CTNND2: variants seen among roughly 807,000 people sequenced by gnomAD.
The protein encoded by CTNND2 is catenin delta-2.
CTNND2 carries 22 observed loss-of-function variants against 144.4 expected under a neutral mutation model. The observed-to-expected ratio is 0.15, with a 90% CI of 0.11 to 0.22. The LOEUF is 0.22. CTNND2 is among the 10% of genes least tolerant of loss of function. CTNND2 has a pLI of 1.00. For missense variants in CTNND2, 1,353 were observed against 1,618.8 expected, an observed-to-expected ratio of 0.84 and a Z score of 2.82; for synonymous variants, 751 against 695.6, an observed-to-expected ratio of 1.08 and a Z score of -1.25.
chr5:11,219,872 G>A (rs1054409463), intron 10 of CTNND2, among the ~76,000 whole-genome samples: 2 of 152,260 alleles, frequency 1.3e-5, no homozygotes, highest in East Asian at 3.9e-4. Context: ...TCTTTCTTCT[G>A]TGGTCCAATT....
intron 1 of CTNND2, among the ~76,000 whole-genome samples, chr5:11,822,275 C>T (rs1246797845): frequency 6.6e-6 from 1 of 152,174 alleles, no homozygotes; most frequent in Non-Finnish European, 1.5e-5. Flanking sequence ...TGTATCTCTA[C>T]TGCTATGTTT....
intron 2 of CTNND2, among the ~76,000 whole-genome samples, chr5:11,587,035 T>A (rs1004771383): frequency 6.6e-6 from 1 of 152,168 alleles, no homozygotes. Context: ...TTAACTTAAT[T>A]GCGTTTTTAA....
chr5:11,608,834 AATC>A (rs1780183569), intron 2 of CTNND2, among the ~76,000 whole-genome samples: 1 of 152,192 alleles, frequency 6.6e-6, no homozygotes, highest in African/African-American at 2.4e-5. Flanking sequence ...CTTCCCATGA[AATC>A]ATCATCAGCA....
At chr5:11,717,823 T>C (rs1786439640) in intron 2 of CTNND2, among the ~76,000 whole-genome samples, 1 of 152,148 alleles carries the variant, frequency 6.6e-6, no homozygotes, top group Non-Finnish European at 1.5e-5. Flanking sequence ...ACTGCCCCCA[T>C]GATTCAGTTA....
At chr5:11,784,374 A>G (rs536274369) in intron 1 of CTNND2, among the ~76,000 whole-genome samples, 3 of 152,232 alleles carry the variant, frequency 2.0e-5, no homozygotes. Flanking sequence ...GACTCAAAGA[A>G]TATCAGTGGT....
rs761857576 is a variant in CTNND2 at position 11,364,772 on chromosome 5, G to A, written c.1296C>T (p.Pro432=). The change falls in exon 8 of 22, where the codon CCC becomes CCT. Residue 432 remains proline (P), a synonymous_variant. Coordinates refer to ENST00000304623, the MANE Select transcript of CTNND2 (RefSeq NM_001332.4). ...GGCTCTGGCTGAGACTCCTCATAGGGGGCTTCTGATAGACGCGGTCTTCAT... is the reference window on the plus strand; with the variant it reads ...GGCTCTGGCTGAGACTCCTCATAGGAGGCTTCTGATAGACGCGGTCTTCAT... ...PIYEDRVYQK[P]PMRSLSQSQG... 30 of 1,613,790 alleles carry A rather than the reference G, an allele frequency of 1.9e-5. No homozygotes were observed. Among genetic ancestry groups the A allele is most frequent in the African/African-American group, 2.7e-5 (2 of 74,900 alleles).
At chr5:11,835,563 T>G (rs916511452) in intron 1 of CTNND2, among the ~76,000 whole-genome samples, 1 of 152,184 alleles carries the variant, frequency 6.6e-6, no homozygotes, top group South Asian at 2.1e-4. Flanking sequence ...CTTGAGGATT[T>G]TTTCCATCTC....
intron 11 of CTNND2, 61 bp from the exon 12 acceptor site, chr5:11,159,820 T>C: frequency 7.3e-7 from 1 of 1,361,930 alleles, no homozygotes; most frequent in Middle Eastern, 1.9e-4. Flanking sequence ...TCTCCAAAAC[T>C]GTCTTCCTTA....
At chr5:11,046,518 C>T (rs891845604) in intron 16 of CTNND2, among the ~76,000 whole-genome samples, 2 of 152,184 alleles carry the variant, frequency 1.3e-5, no homozygotes, top group African/African-American at 4.8e-5. Flanking sequence ...AACCAACACA[C>T]TGCTTGACTT....
intron 12 of CTNND2, among the ~76,000 whole-genome samples, chr5:11,120,989 A>G (rs924266027): frequency 1.3e-5 from 2 of 152,212 alleles, no homozygotes; most frequent in Non-Finnish European, 2.9e-5. Flanking sequence ...TTCCCCACAG[A>G]CACAAGTTCT....
intron 12 of CTNND2, among the ~76,000 whole-genome samples, chr5:11,122,294 G>T (rs924862418): frequency 3.3e-5 from 5 of 151,346 alleles, no homozygotes; most frequent in African/African-American, 4.9e-5. Flanking sequence ...ATACAGCATC[G>T]CAAGTAAAAT....
At chr5:11,439,010 A>G (rs528469701) in intron 3 of CTNND2, among the ~76,000 whole-genome samples, 20 of 152,018 alleles carry the variant, frequency 1.3e-4, no homozygotes, top group Non-Finnish European at 2.5e-4. Flanking sequence ...TTTGAGATGT[A>G]AACTACACTA....
intron 2 of CTNND2, among the ~76,000 whole-genome samples, chr5:11,676,457 G>A (rs867018546): frequency 1.7e-4 from 26 of 151,986 alleles, no homozygotes; most frequent in African/African-American, 2.9e-4. Flanking sequence ...GTGAAAGTCC[G>A]TGAGTTAATA....
chr5:11,201,452 C>G (rs570989753), intron 10 of CTNND2, among the ~76,000 whole-genome samples: 1 of 152,346 alleles, frequency 6.6e-6, no homozygotes, highest in Non-Finnish European at 1.5e-5. Context: ...GAGGCCTCAG[C>G]CCTGCAGCTC....
chr5:11,351,983 A>G lies in CTNND2; in HGVS notation c.1373-5356T>C, dbSNP rs563700882. 5.9e-5 allele frequency among the ~76,000 whole-genome samples: 9 copies of G among 152,320 alleles called. No individual in the cohort carries two copies. The South Asian group carries it at 8.3e-4, about 14-fold the overall frequency. ...GGGAAACTCTAGCACCCAATCTGGCATATATCCAAGAGTGTCATCATTAAT... is the reference window on the plus strand; with the variant it reads ...GGGAAACTCTAGCACCCAATCTGGCGTATATCCAAGAGTGTCATCATTAAT... On this transcript the variant is annotated intron_variant, in intron 8 of 21. Coordinates refer to ENST00000304623, the MANE Select transcript of CTNND2 (RefSeq NM_001332.4).
In CTNND2 at chr5:11,241,127, C is replaced by G. The variant is rs62338525; in HGVS notation, c.1629-4304G>C. Reference sequence around the variant, plus strand: ...AACATGTACACACACACATCCAACACGCTCAAACACACCCAACATACACTC... The same window carrying G: ...AACATGTACACACACACATCCAACAGGCTCAAACACACCCAACATACACTC... On this transcript the variant is annotated intron_variant, in intron 9 of 21. Coordinates refer to ENST00000304623, the MANE Select transcript of CTNND2 (RefSeq NM_001332.4). 5.3e-5 allele frequency among the ~76,000 whole-genome samples: 8 copies of G among 151,388 alleles called. No individual in the cohort carries two copies. In the South Asian group the frequency reaches 1.7e-3, roughly 32 times the overall value.
At chr5:11,620,232 G>A (rs1257527477) in intron 2 of CTNND2, among the ~76,000 whole-genome samples, 1 of 152,070 alleles carries the variant, frequency 6.6e-6, no homozygotes, top group Non-Finnish European at 1.5e-5. Context: ...GACAGCTCCT[G>A]CCAGTGCTTG....
intron 3 of CTNND2, among the ~76,000 whole-genome samples, chr5:11,547,239 G>T (rs576164394): frequency 4.0e-5 from 6 of 151,168 alleles, no homozygotes; most frequent in Admixed American, 6.6e-5. Context: ...CCGCACTCTG[G>T]CCTGGGCGAC....
At chr5:11,278,668 C>T (rs1039100242) in intron 9 of CTNND2, among the ~76,000 whole-genome samples, 11 of 152,136 alleles carry the variant, frequency 7.2e-5, no homozygotes, top group East Asian at 5.8e-4. Context: ...GCTCAGGATA[C>T]ACATATGTGT....
Sources: allele counts gnomAD v4.1 joint callset (sites outside exome capture counted in the v4.1 genomes callset), GRCh38; gene constraint gnomAD v4.1.1; transcripts MANE v1.5; gene names NCBI Gene and HGNC (gene_info 2026-07-23, HGNC 2026-07-21).